The following RALGAPA2 variants were observed in gnomAD, a reference collection of about 807,000 sequenced individuals.
RALGAPA2 encodes ral GTPase-activating protein subunit alpha-2.
Under a neutral mutation model 230.4 loss-of-function variants are expected in RALGAPA2, and 139 were observed. The observed-to-expected ratio is 0.60, with a 90% CI of 0.53 to 0.69. The LOEUF (loss-of-function observed/expected upper bound fraction) is 0.69. Among genes scored for constraint, RALGAPA2 ranks in the 30% least tolerant of loss-of-function variants. The pLI is 0.00. For missense variants in RALGAPA2, 2,163 were observed against 2,276.0 expected (o/e 0.95, Z 1.01); for synonymous variants, 847 against 837.8 (o/e 1.01, Z -0.19).
rs1252954229 is a variant in RALGAPA2, at chr20:20,521,083, C to T, written c.3918G>A (p.Val1306=). The T allele has an allele frequency of 6.2e-7, 1 of 1,611,754 alleles. No homozygotes were observed. Among genetic ancestry groups the T allele is most frequent in the South Asian group, 1.1e-5 (1 of 90,950 alleles). ...GTTGGGTGTACGTGCTTGAGCCACACACACAGCAGTGCAAAACCTGTGAAA... is the reference window on the plus strand; with the variant it reads ...GTTGGGTGTACGTGCTTGAGCCACATACACAGCAGTGCAAAACCTGTGAAA... ...DYIYRVLHCC[V]CGSSTYTQQS... The change falls in exon 31 of 40, where the codon GTG becomes GTA. Residue 1306 remains valine (V), a synonymous_variant. Transcript: ENST00000202677.
rs147045442 is a variant in RALGAPA2, at chr20:20,601,786, C to T, written c.2099G>A (p.Arg700Gln). 36 of 1,613,436 alleles carry T rather than the reference C, an allele frequency of 2.2e-5. No homozygotes were observed. The highest frequency in any genetic ancestry group is 2.9e-5 in the Non-Finnish European group (34 of 1,179,562). The change falls in exon 16 of 40, where the codon CGG (arginine) becomes CAG (glutamine). Residue 700 changes from arginine (R) to glutamine (Q), a missense_variant. By Grantham distance (43) the Arg-to-Gln change is conservative (BLOSUM62 1). Coordinates refer to ENST00000202677, the MANE Select transcript of RALGAPA2 (RefSeq NM_020343.4). ...TVGRSFSLSW[R>Q]SHPDVTEPMR... ...CGGTTCGGTCACATCTGGGTGGCTCCGCCAGCTGAGAGAAAAGGACCTCCC... is the reference window on the plus strand; with the variant it reads ...CGGTTCGGTCACATCTGGGTGGCTCTGCCAGCTGAGAGAAAAGGACCTCCC...
At chr20:20,701,560 A>G (rs769770991) in intron 1 of RALGAPA2, among the ~76,000 whole-genome samples, 1 of 152,010 alleles carries the variant, frequency 6.6e-6, no homozygotes, top group Non-Finnish European at 1.5e-5. Context: ...AACATGGTGA[A>G]ACCCCATCTC....
At chr20:20,567,127 A>T (rs2064456601) in intron 23 of RALGAPA2, among the ~76,000 whole-genome samples, 1 of 152,214 alleles carries the variant, frequency 6.6e-6, no homozygotes, top group African/African-American at 2.4e-5. Context: ...AAAATAGCTC[A>T]CTTATTTTAA....
chr20:20,710,109 G>T (rs974138257), intron 1 of RALGAPA2, among the ~76,000 whole-genome samples: 1 of 152,172 alleles, frequency 6.6e-6, no homozygotes, highest in African/African-American at 2.4e-5. Context: ...GCTGCAGGCG[G>T]CAGGGACAGG....
At position 20,629,595 on chromosome 20, in the gene RALGAPA2, A is replaced by T. The variant is rs764644856; in HGVS notation, c.1006-5T>A. On this transcript the variant is annotated splice_polypyrimidine_tract_variant and splice_region_variant and intron_variant, in intron 9 of 39. Coordinates refer to ENST00000202677, the MANE Select transcript of RALGAPA2 (RefSeq NM_020343.4). ...CACAGCACCACCACCAACAGTCTGGAAGAAAGTCAGCACACTTCTCAATGA... is the reference window on the plus strand; with the variant it reads ...CACAGCACCACCACCAACAGTCTGGTAGAAAGTCAGCACACTTCTCAATGA... 7.4e-6 allele frequency: 12 copies of T among 1,612,574 alleles called. No individual in the cohort carries two copies. Among genetic ancestry groups the T allele is most frequent in the Non-Finnish European group, 1.0e-5 (12 of 1,179,730 alleles).
rs1322439855 is a variant in RALGAPA2 at position 20,712,536 on chromosome 20, G to T, written c.-56C>A. 3 of 1,510,052 alleles carry T rather than the reference G, an allele frequency of 2.0e-6. No homozygotes were observed. The highest frequency in any genetic ancestry group is 2.3e-5 in the Admixed American group (1 of 43,786). 93.5% of individuals were successfully genotyped at this position (1,510,052 alleles called of 1,614,324 possible). On this transcript the variant is annotated 5_prime_UTR_variant, in exon 1 of 40. Transcript: ENST00000202677. The surrounding 1 kb of genome is among the most constrained non-coding windows in gnomAD (Gnocchi z 5.5). ...GGGGCAGTAGGCGCCTGCGCCACGC[G>T]AATCAAAGCATAGGGTCGAGGCCGG...
chr20:20,712,620 C>CCGT lies in RALGAPA2; in HGVS notation c.-141_-140insACG. The CCGT allele has an allele frequency of 8.4e-7, 1 of 1,194,248 alleles. No individual in the cohort carries two copies. Among genetic ancestry groups the CCGT allele is most frequent in the South Asian group, 3.8e-5 (1 of 26,318 alleles). The allele number at this position is 1,194,248 out of a possible 1,614,324, so 74.0% of individuals were successfully genotyped here. ...CCCGCTGCTGCCGCCGCCGCCGCCG[C>CCGT]CGCCGCCGCCTCAGCTGTGTCTCCA... On this transcript the variant is annotated 5_prime_UTR_variant, in exon 1 of 40. Coordinates refer to ENST00000202677, the MANE Select transcript of RALGAPA2 (RefSeq NM_020343.4). This position sits in a 1 kb window ranked among gnomAD's most constrained non-coding sequence, Gnocchi z 5.5.
chr20:20,478,276 C>T lies in RALGAPA2; in HGVS notation c.5368-5320G>A, dbSNP rs118132966. 4.7e-3 allele frequency among the ~76,000 whole-genome samples: 721 copies of T among 151,978 alleles called. 4 individuals carry two copies. Among genetic ancestry groups the T allele is most frequent in the African/African-American group, 0.015 (630 of 41,436 alleles). The stretch of plus-strand genomic sequence containing the variant: ...ACCTTATAGCAGTACTTACAGGGAC[C>T]GTGTAGAATGAAATGCTCATATTAG... On this transcript the variant is annotated intron_variant, in intron 36 of 39. Coordinates refer to ENST00000202677, the MANE Select transcript of RALGAPA2 (RefSeq NM_020343.4).
intron 20 of RALGAPA2, among the ~76,000 whole-genome samples, chr20:20,576,013 T>C (rs1231455827): frequency 6.6e-6 from 1 of 152,178 alleles, no homozygotes; most frequent in Admixed American, 6.5e-5. Context: ...CTCTTGCTTA[T>C]TTTTAAAAGC....
At chr20:20,614,399 C>G (rs2066069810) in intron 13 of RALGAPA2, among the ~76,000 whole-genome samples, 1 of 151,806 alleles carries the variant, frequency 6.6e-6, no homozygotes, top group African/African-American at 2.4e-5. Context: ...AGGGAGTTTT[C>G]AAAGGAAAAA....
chr20:20,515,852 G>A (rs1044744076), intron 31 of RALGAPA2, among the ~76,000 whole-genome samples: 4 of 152,120 alleles, frequency 2.6e-5, no homozygotes, highest in East Asian at 1.9e-4. Context: ...AGTGGGGCGG[G>A]GGGGGCAGGG....
At chr20:20,634,327 A>AT (rs1182920274) in intron 9 of RALGAPA2, among the ~76,000 whole-genome samples, 1 of 151,984 alleles carries the variant, frequency 6.6e-6, no homozygotes, top group Non-Finnish European at 1.5e-5. Flanking sequence ...CAGAAAACTA[A>AT]TTTTTTTCCC....
intron 37 of RALGAPA2, among the ~76,000 whole-genome samples, chr20:20,461,967 T>G (rs1438656958): frequency 6.6e-6 from 1 of 152,208 alleles, no homozygotes; most frequent in African/African-American, 2.4e-5. Flanking sequence ...TTCATTGGTG[T>G]TGGATTAAGG....
intron 17 of RALGAPA2, among the ~76,000 whole-genome samples, chr20:20,590,751 A>G (rs1475065770): frequency 6.6e-6 from 1 of 152,122 alleles, no homozygotes; most frequent in Non-Finnish European, 1.5e-5. Context: ...AAGTCTGGTC[A>G]GCTTTCCATT....
At chr20:20,393,872 G>A (rs911173028) in intron 39 of RALGAPA2, among the ~76,000 whole-genome samples, 8 of 152,214 alleles carry the variant, frequency 5.3e-5, no homozygotes, top group Admixed American at 5.2e-4. Flanking sequence ...GGTGTGCTCA[G>A]AGGAATACAA....
chr20:20,440,526 T>C (rs950433265), intron 37 of RALGAPA2, among the ~76,000 whole-genome samples: 9 of 152,226 alleles, frequency 5.9e-5, no homozygotes, highest in African/African-American at 2.2e-4. Context: ...TCATCCTAAT[T>C]GCGCAGACAG....
intron 19 of RALGAPA2, among the ~76,000 whole-genome samples, chr20:20,584,488 T>G (rs1040710089): frequency 3.3e-5 from 5 of 152,126 alleles, no homozygotes; most frequent in Non-Finnish European, 7.3e-5. Context: ...AATAAGAAGG[T>G]CCCATTTCAC....
intron 27 of RALGAPA2, among the ~76,000 whole-genome samples, chr20:20,529,825 ACT>A (rs1167900714): frequency 1.3e-5 from 2 of 151,938 alleles, no homozygotes; most frequent in Non-Finnish European, 2.9e-5. Flanking sequence ...GCGATGCGTG[ACT>A]CTGTGTGTCT....
intron 3 of RALGAPA2, among the ~76,000 whole-genome samples, chr20:20,673,836 G>A (rs181179409): frequency 6.6e-6 from 1 of 152,112 alleles, no homozygotes. Flanking sequence ...ACATGAGTAT[G>A]AGAAAGAAAA....
Sources: gnomAD v4.1 joint callset for allele counts (sites outside exome capture counted in the v4.1 genomes callset) on GRCh38, gnomAD v4.1.1 for gene constraint, Gnocchi (gnomAD v3.1) non-coding constraint, MANE v1.5 for transcripts, NCBI Gene and HGNC (gene_info 2026-07-23, HGNC 2026-07-21) for gene names.